PPM1E: variants seen among roughly 807,000 people sequenced by gnomAD.
PPM1E encodes the protein protein phosphatase, Mg2+/Mn2+ dependent 1E.
PPM1E carries 20 observed loss-of-function variants against 65.9 expected under a neutral mutation model. The observed-to-expected ratio is 0.30, with a 90% CI of 0.21 to 0.44. The LOEUF is 0.44. Ranked by LOEUF, PPM1E falls within the 20% of genes least tolerant of loss-of-function variation. The pLI is 1.00. For missense variants in PPM1E, 713 were observed against 953.1 expected, an observed-to-expected ratio of 0.75 and a Z score of 3.32; for synonymous variants, 352 against 374.9, an observed-to-expected ratio of 0.94 and a Z score of 0.70.
chr17:58,886,401 C>T (rs1198297280), intron 1 of PPM1E, among the ~76,000 whole-genome samples: 1 of 152,176 alleles, frequency 6.6e-6, no homozygotes, highest in Admixed American at 6.5e-5. Context: ...GCCATGACCA[C>T]ACCCTCCTCT....
intron 1 of PPM1E, among the ~76,000 whole-genome samples, chr17:58,794,645 T>C (rs2050188830): frequency 6.6e-6 from 1 of 152,164 alleles, no homozygotes; most frequent in Non-Finnish European, 1.5e-5. Context: ...CTCCCACTTA[T>C]AAGTGAGAAC....
intron 1 of PPM1E, among the ~76,000 whole-genome samples, chr17:58,769,298 T>C (rs973642411): frequency 1.3e-5 from 2 of 152,114 alleles, no homozygotes; most frequent in Non-Finnish European, 2.9e-5. Flanking sequence ...TTTTGGTTCT[T>C]TAAGTAAAAA....
chr17:58,955,792 T>C, intron 2 of PPM1E, 25 bp downstream of exon 2: 1 of 1,561,650 alleles, frequency 6.4e-7, no homozygotes, highest in Non-Finnish European at 8.6e-7. Flanking sequence ...ACATTATTTG[T>C]TTAAAAATAC....
chr17:58,932,763 T>C (rs746398113), intron 1 of PPM1E, among the ~76,000 whole-genome samples: 18 of 152,226 alleles, frequency 1.2e-4, no homozygotes, highest in Non-Finnish European at 2.1e-4. Context: ...ATAGGTATGT[T>C]GGAAACAAAG....
intron 1 of PPM1E, among the ~76,000 whole-genome samples, chr17:58,774,158 G>T (rs2049968774): frequency 7.1e-6 from 1 of 140,694 alleles, no homozygotes; most frequent in Non-Finnish European, 1.6e-5. Context: ...GGGAAACTCT[G>T]TCCCCCCCCC....
At chr17:58,838,570 CA>C (rs1358904741) in intron 1 of PPM1E, among the ~76,000 whole-genome samples, 1 of 152,124 alleles carries the variant, frequency 6.6e-6, no homozygotes, top group African/African-American at 2.4e-5. Flanking sequence ...GGTGGAAATG[CA>C]AAATGATATA....
intron 1 of PPM1E, among the ~76,000 whole-genome samples, chr17:58,863,955 G>C (rs1310344479): frequency 6.6e-6 from 1 of 151,870 alleles, no homozygotes; most frequent in Non-Finnish European, 1.5e-5. Context: ...TGGGCTAAAA[G>C]AGAACATTTA....
At chr17:58,791,618 C>G (rs535023518) in intron 1 of PPM1E, among the ~76,000 whole-genome samples, 16 of 152,186 alleles carry the variant, frequency 1.1e-4, no homozygotes, top group Non-Finnish European at 2.2e-4. Context: ...TACCCAAGCA[C>G]AAAATTCCAG....
intron 1 of PPM1E, among the ~76,000 whole-genome samples, chr17:58,810,773 C>T (rs559359768): frequency 6.6e-6 from 1 of 152,262 alleles, no homozygotes; most frequent in Admixed American, 6.5e-5. Flanking sequence ...TTTCTCTCAT[C>T]AGTTGTTCTT....
intron 1 of PPM1E, among the ~76,000 whole-genome samples, chr17:58,796,397 A>G (rs1341175558): frequency 6.6e-6 from 1 of 151,982 alleles, no homozygotes; most frequent in African/African-American, 2.4e-5. Context: ...GGGCTCACTC[A>G]GTAGCTGCGA....
intron 1 of PPM1E, among the ~76,000 whole-genome samples, chr17:58,929,023 T>C (rs2051860370): frequency 6.6e-6 from 1 of 152,118 alleles, no homozygotes; most frequent in Non-Finnish European, 1.5e-5. Flanking sequence ...AATTTTAATA[T>C]AGCTTTATTC....
intron 1 of PPM1E, among the ~76,000 whole-genome samples, chr17:58,920,183 G>A (rs1567875070): frequency 6.6e-6 from 1 of 152,146 alleles, no homozygotes; most frequent in Non-Finnish European, 1.5e-5. Context: ...AATGGAAAAT[G>A]AGTTTTAGCA....
chr17:58,895,345 G>A (rs1315998326), intron 1 of PPM1E, among the ~76,000 whole-genome samples: 3 of 152,124 alleles, frequency 2.0e-5, no homozygotes, highest in Non-Finnish European at 4.4e-5. Flanking sequence ...GAAAAGTCAC[G>A]TCTCTCACTT....
chr17:58,972,308 T>C, intron 5 of PPM1E, 33 bp downstream of exon 5: 2 of 1,584,718 alleles, frequency 1.3e-6, no homozygotes, highest in Non-Finnish European at 1.7e-6. Flanking sequence ...GAGCCCATGC[T>C]CTAGTTATTA....
intron 1 of PPM1E, among the ~76,000 whole-genome samples, chr17:58,851,170 GTTCATCTA>G (rs1213910381): frequency 2.0e-5 from 3 of 152,018 alleles, no homozygotes; most frequent in African/African-American, 7.3e-5. Context: ...CTAGTTAGCC[GTTCATCTA>G]ATCTTTTTTC....
intron 1 of PPM1E, among the ~76,000 whole-genome samples, chr17:58,855,500 A>G (rs773838687): frequency 6.6e-6 from 1 of 152,170 alleles, no homozygotes; most frequent in Non-Finnish European, 1.5e-5. Flanking sequence ...AGTTATAGCA[A>G]TTCCTTTTAC....
At chr17:58,773,252 G>A (rs1441068635) in intron 1 of PPM1E, among the ~76,000 whole-genome samples, 5 of 152,124 alleles carry the variant, frequency 3.3e-5, no homozygotes, top group Admixed American at 3.3e-4. Context: ...TTGCTGAGTA[G>A]TATACAAGAC....
chr17:58,982,078 G>C lies in PPM1E; in HGVS notation c.*1047G>C, dbSNP rs574882856. On this transcript the variant is annotated 3_prime_UTR_variant, in exon 7 of 7. Transcript: ENST00000308249. Reference sequence around the variant, plus strand: ...GTAGTGAAGTAATTGGAATGAAGGAGGCTGAAAGTATTGTCTAAAGTGAGC... The same window carrying C: ...GTAGTGAAGTAATTGGAATGAAGGACGCTGAAAGTATTGTCTAAAGTGAGC... 1.3e-5 allele frequency: 2 copies of C among 152,668 alleles called. No individual in the cohort carries two copies. Among genetic ancestry groups the C allele is most frequent in the South Asian group, 2.1e-4 (1 of 4,824 alleles). 9.5% of individuals were successfully genotyped at this position (152,668 alleles called of 1,614,324 possible).
chr17:58,824,738 G>A (rs921546989), intron 1 of PPM1E, among the ~76,000 whole-genome samples: 88 of 150,310 alleles, frequency 5.9e-4, no homozygotes, highest in Middle Eastern at 3.4e-3. Flanking sequence ...ACAGGTGCCC[G>A]TCACCACGCC....
Sources: allele counts gnomAD v4.1 joint callset (sites outside exome capture counted in the v4.1 genomes callset), GRCh38; gene constraint gnomAD v4.1.1; transcripts MANE v1.5; gene names NCBI Gene and HGNC (gene_info 2026-07-23, HGNC 2026-07-21).